Variants in NKAIN2 observed in about 807,000 individuals in gnomAD.
The protein encoded by NKAIN2 is sodium/potassium-transporting ATPase subunit beta-1-interacting protein 2.
A neutral mutation model predicts 32.6 loss-of-function variants in NKAIN2; 14 were observed. The ratio of observed to expected loss-of-function variants is 0.43; its 90% CI spans 0.28 to 0.67. The LOEUF (loss-of-function observed/expected upper bound fraction) is 0.67. NKAIN2 is among the 30% of genes least tolerant of loss of function. The pLI is 0.17. For missense variants in NKAIN2, 198 were observed against 258.3 expected (o/e 0.77, Z 1.60); for synonymous variants, 80 against 87.2 (o/e 0.92, Z 0.46).
intron 3 of NKAIN2, among the ~76,000 whole-genome samples, chr6:124,411,307 C>A (rs1469483400): frequency 6.6e-6 from 1 of 151,850 alleles, no homozygotes; most frequent in African/African-American, 2.4e-5. Context: ...CATGTTTTTG[C>A]AGTGGCTGGT....
intron 3 of NKAIN2, among the ~76,000 whole-genome samples, chr6:124,494,868 TAAAAC>T (rs1478585932): frequency 6.6e-6 from 1 of 152,064 alleles, no homozygotes; most frequent in Non-Finnish European, 1.5e-5. Context: ...TTAGTGGTGA[TAAAAC>T]AAGAAAGTAA....
At chr6:124,447,690 C>G (rs549884986) in intron 3 of NKAIN2, among the ~76,000 whole-genome samples, 1 of 152,234 alleles carries the variant, frequency 6.6e-6, no homozygotes, top group African/African-American at 2.4e-5. Flanking sequence ...ATTCTGCTAT[C>G]CTGTAATCAT....
intron 2 of NKAIN2, among the ~76,000 whole-genome samples, chr6:124,326,603 A>C (rs1175397889): frequency 6.6e-6 from 1 of 151,760 alleles, no homozygotes; most frequent in Non-Finnish European, 1.5e-5. Flanking sequence ...TCTACTATTT[A>C]CTCACCCTTA....
At chr6:124,475,387 T>G (rs1476603923) in intron 3 of NKAIN2, among the ~76,000 whole-genome samples, 1 of 152,130 alleles carries the variant, frequency 6.6e-6, no homozygotes, top group Non-Finnish European at 1.5e-5. Flanking sequence ...ACATAACAGT[T>G]TTTTTTAAGC....
intron 1 of NKAIN2, among the ~76,000 whole-genome samples, chr6:123,979,859 C>A (rs1010549897): frequency 4.6e-5 from 7 of 150,766 alleles, no homozygotes; most frequent in Non-Finnish European, 1.5e-5. Context: ...GAGTCTCTAG[C>A]TCTTGTTTGT....
intron 1 of NKAIN2, among the ~76,000 whole-genome samples, chr6:123,870,166 G>C (rs62436076): frequency 0.012 from 1,875 of 152,162 alleles, 27 homozygotes; most frequent in Non-Finnish European, 0.02. Context: ...TGCTCTTATT[G>C]AGTTTACATT....
In NKAIN2 at chr6:124,495,729, T is replaced by A. The variant is rs147988623; in HGVS notation, c.273+140382T>A. On this transcript the variant is annotated intron_variant, in intron 3 of 6. Transcript: ENST00000368417. ...AAGAGATGACATTTCAGAGTAATTG[T>A]CACATTCTACCCAGCTTGGACCTTC... Among the ~76,000 whole-genome samples, 476 of 152,260 alleles carry A rather than the reference T, an allele frequency of 3.1e-3. 1 individual carries two copies. The highest frequency in any genetic ancestry group is 5.5e-3 in the Non-Finnish European group (376 of 68,010).
chr6:124,607,373 C>T (rs1782539204), intron 3 of NKAIN2, among the ~76,000 whole-genome samples: 1 of 152,042 alleles, frequency 6.6e-6, no homozygotes, highest in Non-Finnish European at 1.5e-5. Context: ...TGAGCTTTAA[C>T]AGGCCAAACA....
At position 123,921,895 on chromosome 6, in the gene NKAIN2, C is replaced by T. The variant is rs112245977; in HGVS notation, c.54+117641C>T. ...GCAGTGAGCTGAGATTGCACCACTG[C>T]ACTCCAGCCCGGGCAACAGAGTGAG... On this transcript the variant is annotated intron_variant, in intron 1 of 6. Coordinates refer to ENST00000368417, the MANE Select transcript of NKAIN2 (RefSeq NM_001040214.3). Among the ~76,000 whole-genome samples, 1,400 of 151,690 alleles carry T rather than the reference C, an allele frequency of 9.2e-3. 17 individuals are homozygous for T. The highest frequency in any genetic ancestry group is 0.032 in the African/African-American group (1,316 of 41,336).
chr6:123,926,348 C>T (rs1776002437), intron 1 of NKAIN2, among the ~76,000 whole-genome samples: 1 of 152,122 alleles, frequency 6.6e-6, no homozygotes, highest in Non-Finnish European at 1.5e-5. Flanking sequence ...TTGAATAATC[C>T]ACATTTACCT....
At chr6:124,657,992 A>G (rs1157957487) in intron 3 of NKAIN2, among the ~76,000 whole-genome samples, 194 bp from the exon 4 acceptor site, 8 of 152,084 alleles carry the variant, frequency 5.3e-5, no homozygotes, top group Non-Finnish European at 7.4e-5. Context: ...AAAAACCTTC[A>G]TAAGTAGGAT....
At chr6:124,745,727 G>C (rs1777420049) in intron 4 of NKAIN2, among the ~76,000 whole-genome samples, 1 of 151,840 alleles carries the variant, frequency 6.6e-6, no homozygotes. Context: ...TCTCAATTGT[G>C]TTTCTGTGTA....
At chr6:124,511,126 T>C (rs1378991452) in intron 3 of NKAIN2, among the ~76,000 whole-genome samples, 1 of 152,202 alleles carries the variant, frequency 6.6e-6, no homozygotes, top group Admixed American at 6.5e-5. Flanking sequence ...ACCAATTATA[T>C]ATCCTGAGTC....
chr6:124,799,023 A>G (rs1027976194), intron 5 of NKAIN2, among the ~76,000 whole-genome samples: 1 of 152,372 alleles, frequency 6.6e-6, no homozygotes, highest in East Asian at 1.9e-4. Context: ...CCAAGGAAAT[A>G]TGACATCTCC....
chr6:123,911,846 C>G (rs1775225533), intron 1 of NKAIN2, among the ~76,000 whole-genome samples: 1 of 96,424 alleles, frequency 1.0e-5, no homozygotes, highest in African/African-American at 3.6e-5. Context: ...CACACACACA[C>G]ACACACACAC....
At chr6:124,782,728 T>C (rs544030641) in intron 4 of NKAIN2, among the ~76,000 whole-genome samples, 18 of 151,872 alleles carry the variant, frequency 1.2e-4, no homozygotes, top group African/African-American at 3.1e-4. Context: ...CAAAGAGCTA[T>C]GTAGTGATTT....
chr6:124,247,701 G>A (rs1169630733), intron 1 of NKAIN2, among the ~76,000 whole-genome samples: 1 of 152,048 alleles, frequency 6.6e-6, no homozygotes, highest in Non-Finnish European at 1.5e-5. Flanking sequence ...AGATTGCCTA[G>A]ACATAGAATA....
chr6:124,212,921 A>C (rs749581082), intron 1 of NKAIN2, among the ~76,000 whole-genome samples: 3 of 152,138 alleles, frequency 2.0e-5, no homozygotes, highest in Non-Finnish European at 4.4e-5. Flanking sequence ...AAATCAGTTT[A>C]TTAATAGCTC....
intron 4 of NKAIN2, among the ~76,000 whole-genome samples, chr6:124,698,365 A>G (rs1774604873): frequency 6.6e-6 from 1 of 152,226 alleles, no homozygotes; most frequent in Admixed American, 6.5e-5. Context: ...AAAAATGTGC[A>G]GCTCCAGGGA....
Sources: gnomAD v4.1 joint callset for allele counts (sites outside exome capture counted in the v4.1 genomes callset) on GRCh38, gnomAD v4.1.1 for gene constraint, MANE v1.5 for transcripts, NCBI Gene and HGNC (gene_info 2026-07-23, HGNC 2026-07-21) for gene names.